JADE1: variants seen among roughly 807,000 people sequenced by gnomAD.
JADE1 encodes the protein protein Jade-1.
JADE1 carries 14 observed loss-of-function variants against 81.8 expected under a neutral mutation model. That is an observed-to-expected ratio of 0.17 (90% confidence interval 0.11 to 0.27). JADE1 has a LOEUF of 0.27. JADE1 is among the 10% of genes least tolerant of loss of function. JADE1 has a pLI of 1.00. For synonymous variants in JADE1, 353 were observed against 391.9 expected (o/e 0.90, Z 1.17); for missense variants, 690 against 1,047.9 (o/e 0.66, Z 4.71).
intron 2 of JADE1, among the ~76,000 whole-genome samples, chr4:128,841,547 T>A (rs190993689): frequency 1.3e-5 from 2 of 152,296 alleles, no homozygotes; most frequent in African/African-American, 2.4e-5. Flanking sequence ...AAAGTAGGAA[T>A]GTAAGAGGCA....
At chr4:128,816,366 G>T (rs963526156) in intron 1 of JADE1, 8 of 151,978 alleles carry the variant, frequency 5.3e-5, no homozygotes, top group African/African-American at 1.9e-4. Context: ...TTTTTTTGCA[G>T]TTCATAGCCC....
chr4:128,814,990 A>C (rs1455228457), intron 1 of JADE1, among the ~76,000 whole-genome samples: 6 of 152,052 alleles, frequency 3.9e-5, no homozygotes, highest in Non-Finnish European at 1.5e-5. Context: ...ACCACTGCCT[A>C]ATAAAGGACC....
In JADE1 at chr4:128,872,633, G is replaced by A. The variant is rs1732280715; in HGVS notation, c.*371G>A. ...AAACTCATGGTTACCTGAATATAGG[G>A]AACCAGATATGGTTCTTGAGAAACC... On this transcript the variant is annotated 3_prime_UTR_variant, in exon 11 of 11. Transcript: ENST00000226319. 1 of 255,826 alleles carries A rather than the reference G, an allele frequency of 3.9e-6. No individual in the cohort carries two copies. Among genetic ancestry groups the A allele is most frequent in the African/African-American group, 2.2e-5 (1 of 44,930 alleles). The allele number at this position is 255,826 out of a possible 1,614,324, so 15.8% of individuals were successfully genotyped here.
At chr4:128,867,029 G>A (rs964307352) in intron 9 of JADE1, among the ~76,000 whole-genome samples, 1 of 152,206 alleles carries the variant, frequency 6.6e-6, no homozygotes, top group Non-Finnish European at 1.5e-5. Flanking sequence ...CTGAGCATAG[G>A]TTAGGGTTAT....
intron 1 of JADE1, chr4:128,811,942 G>T (rs920775176): frequency 1.3e-5 from 2 of 151,640 alleles, no homozygotes; most frequent in East Asian, 3.9e-4. Flanking sequence ...TCTTAAAACC[G>T]TTTCTCGCCG....
At chr4:128,834,152 T>A (rs1257241110) in intron 2 of JADE1, among the ~76,000 whole-genome samples, 2 of 152,152 alleles carry the variant, frequency 1.3e-5, no homozygotes, top group Non-Finnish European at 2.9e-5. Flanking sequence ...ATTAGTCAGC[T>A]CAGGATGCTA....
At chr4:128,864,803 A>G (rs1731661390) in intron 9 of JADE1, 1 of 174,524 alleles carries the variant, frequency 5.7e-6, no homozygotes, top group South Asian at 1.9e-4. Context: ...AATTATGGTG[A>G]CTGCTCTTCC....
chr4:128,848,468 C>G (rs1470505602), intron 4 of JADE1, among the ~76,000 whole-genome samples: 1 of 152,196 alleles, frequency 6.6e-6, no homozygotes. Context: ...CTTGGGCCAC[C>G]TTGCCCCAGC....
At chr4:128,859,864 A>C (rs17013848) in intron 8 of JADE1, among the ~76,000 whole-genome samples, 1 of 152,206 alleles carries the variant, frequency 6.6e-6, no homozygotes, top group Admixed American at 6.5e-5. Flanking sequence ...ATGATTTTTC[A>C]TATCTTCACA....
chr4:128,812,193 T>G (rs1726490342), intron 1 of JADE1, among the ~76,000 whole-genome samples: 1 of 151,728 alleles, frequency 6.6e-6, no homozygotes, highest in African/African-American at 2.4e-5. Flanking sequence ...GGAGCGGGGC[T>G]TGGTTGCGCC....
Position 128,872,814 on chromosome 4 carries a change from A to AAATATAGC in JADE1, c.*554_*561dup, listed in dbSNP as rs1168015195. 27 of 431,032 alleles carry AAATATAGC rather than the reference A, an allele frequency of 6.3e-5. No individual in the cohort carries two copies. The highest frequency in any genetic ancestry group is 5.1e-4 in the African/African-American group (25 of 49,392). The allele number at this position is 431,032 out of a possible 1,614,324, so 26.7% of individuals were successfully genotyped here. A position where few individuals can be genotyped will look rare whatever the true frequency, so the allele number is the denominator to read the frequency against. ...CAGTAACACTAAGAAATTTATGTGTAAATATAGCAGTCAGGGAAGAGAATT... is the reference window on the plus strand; with the variant it reads ...CAGTAACACTAAGAAATTTATGTGTAAATATAGCAATATAGCAGTCAGGGAAGAGAATT... On this transcript the variant is annotated 3_prime_UTR_variant, in exon 11 of 11. Coordinates refer to ENST00000226319, the MANE Select transcript of JADE1 (RefSeq NM_199320.4).
At chr4:128,857,891 G>C (rs935485629) in intron 8 of JADE1, among the ~76,000 whole-genome samples, 1 of 152,172 alleles carries the variant, frequency 6.6e-6, no homozygotes, top group Non-Finnish European at 1.5e-5. Context: ...GCGGCCTCCT[G>C]AGATTGCAGG....
At chr4:128,812,716 G>A (rs1024984279) in intron 1 of JADE1, among the ~76,000 whole-genome samples, 3 of 152,240 alleles carry the variant, frequency 2.0e-5, no homozygotes, top group African/African-American at 7.2e-5. Flanking sequence ...TTAGGAATGC[G>A]TCGTCATCCG....
chr4:128,838,199 T>C (rs985502167), intron 2 of JADE1, among the ~76,000 whole-genome samples: 20 of 152,166 alleles, frequency 1.3e-4, no homozygotes, highest in Non-Finnish European at 5.9e-5. Context: ...AAGGATTCTG[T>C]TTTAATGGAA....
chr4:128,848,977 C>G lies in JADE1; in HGVS notation c.297-3C>G. ...CTGGCTGCCTTGTTTTTTTATTATC[C>G]AGGGTTGTGTCTGAAGAGAAATCCC... On this transcript the variant is annotated splice_region_variant and splice_polypyrimidine_tract_variant and intron_variant, in intron 4 of 10. Transcript: ENST00000226319. 1.9e-6 allele frequency: 3 copies of G among 1,613,110 alleles called. No individual in the cohort carries two copies. Among genetic ancestry groups the G allele is most frequent in the Non-Finnish European group, 2.5e-6 (3 of 1,179,642 alleles).
rs1228721312 is a variant in JADE1 at position 128,874,596 on chromosome 4, G to A, written c.*2334G>A. 1.3e-5 allele frequency: 2 copies of A among 152,464 alleles called. No homozygotes were observed. The highest frequency in any genetic ancestry group is 2.9e-5 in the Non-Finnish European group (2 of 67,996). The allele number at this position is 152,464 out of a possible 1,614,324, so 9.4% of individuals were successfully genotyped here. On this transcript the variant is annotated 3_prime_UTR_variant, in exon 11 of 11. Transcript: ENST00000226319. Reference sequence around the variant, plus strand: ...TTCGAAATGCAAATGGATAGAGCACGGTTTCTCTGACAGTATAATGATAGC... The same window carrying A: ...TTCGAAATGCAAATGGATAGAGCACAGTTTCTCTGACAGTATAATGATAGC...
At position 128,872,197 on chromosome 4, in the gene JADE1, A is replaced by G. The variant is rs1560786733; in HGVS notation, c.2464A>G (p.Ile822Val). ...GAGTGAGGCATCAGAAAAGAAATGT[A>G]TACACACCAGCAGCACTATCAGCAG... ...SESEASEKKC[I>V]HTSSTISRRT... is the part of the protein sequence containing the mutation. Residue 822 changes from isoleucine to valine, a missense_variant, in exon 11 of 11, where the codon ATA (isoleucine) becomes GTA (valine). Transcript: ENST00000226319. 1 of 1,614,170 alleles carries G rather than the reference A, an allele frequency of 6.2e-7. No homozygotes were observed.
rs1732166924 is a variant in JADE1 at position 128,871,208 on chromosome 4, C to G, written c.1622-147C>G. 6 of 771,842 alleles carry G rather than the reference C, an allele frequency of 7.8e-6. 1 individual carries two copies. In the South Asian group the frequency reaches 1.2e-4, roughly 15 times the overall value. 47.8% of individuals were successfully genotyped at this position (771,842 alleles called of 1,614,324 possible). On this transcript the variant is annotated intron_variant, in intron 10 of 10. Coordinates refer to ENST00000226319, the MANE Select transcript of JADE1 (RefSeq NM_199320.4). This position sits in a 1 kb window ranked among gnomAD's most constrained non-coding sequence, Gnocchi z 4.1. ...GCAGGTCATCTCTTCACTATAAAAA[C>G]CAAATTTGTACAAACTTGGTGGTGT...
rs1328999956 is a variant in JADE1 at position 128,809,726 on chromosome 4, G to C, written c.-178G>C. 1 of 152,246 alleles carries C rather than the reference G, an allele frequency of 6.6e-6. No homozygotes were observed. Among genetic ancestry groups the C allele is most frequent in the African/African-American group, 2.4e-5 (1 of 41,440 alleles). The allele number at this position is 152,246 out of a possible 1,614,324, so 9.4% of individuals were successfully genotyped here. ...TCCATAACAAGCCAAACGCCAGACC[G>C]AGAGTGCCTCCGTGCGCGAGTGCCC... On this transcript the variant is annotated 5_prime_UTR_variant, in exon 1 of 11. Coordinates refer to ENST00000226319, the MANE Select transcript of JADE1 (RefSeq NM_199320.4).
Sources: allele counts gnomAD v4.1 joint callset (sites outside exome capture counted in the v4.1 genomes callset), GRCh38; gene constraint gnomAD v4.1.1; non-coding constraint Gnocchi (gnomAD v3.1); transcripts MANE v1.5; gene names NCBI Gene and HGNC (gene_info 2026-07-23, HGNC 2026-07-21).